Variants in UPK1B observed in about 807,000 individuals in gnomAD.
The protein encoded by UPK1B is uroplakin 1B.
A neutral mutation model predicts 34.2 loss-of-function variants in UPK1B; 28 were observed. The ratio of observed to expected loss-of-function variants is 0.82; its 90% CI spans 0.61 to 1.12. The LOEUF is 1.12. Ranked by LOEUF, UPK1B falls within the 50% of genes most tolerant of loss-of-function variation. The pLI, the probability that UPK1B is intolerant of heterozygous loss-of-function variation, is 0.00. For synonymous variants in UPK1B, 81 were observed against 110.4 expected, an observed-to-expected ratio of 0.73 and a Z score of 1.67; for missense variants, 325 against 320.9, an observed-to-expected ratio of 1.01 and a Z score of -0.10.
chr3:119,196,821 A>G (rs1420550446), intron 6 of UPK1B, among the ~76,000 whole-genome samples: 1 of 151,926 alleles, frequency 6.6e-6, no homozygotes, highest in African/African-American at 2.4e-5. Flanking sequence ...TAAAGGAGTG[A>G]GCCACCGTGC....
At chr3:119,180,018 G>A (rs934915042) in intron 1 of UPK1B, among the ~76,000 whole-genome samples, 3 of 151,334 alleles carry the variant, frequency 2.0e-5, no homozygotes, top group Non-Finnish European at 2.9e-5. Flanking sequence ...GGCTGGTCTC[G>A]AACTACCAAC....
chr3:119,175,007 A>ATTTTT (rs2077948006), intron 1 of UPK1B, among the ~76,000 whole-genome samples: 1 of 39,732 alleles, frequency 2.5e-5, no homozygotes, highest in Admixed American at 2.9e-4. Context: ...TTTTTCTTTT[A>ATTTTT]TTTTCTTTTT....
chr3:119,196,535 C>CTTTTTT (rs34406185), intron 6 of UPK1B, among the ~76,000 whole-genome samples: 153 of 107,096 alleles, frequency 1.4e-3, no homozygotes, highest in East Asian at 2.1e-3. Context: ...TTTTCTTTTT[C>CTTTTTT]TTTTTTTTTT....
chr3:119,179,082 T>C (rs2077973020), intron 1 of UPK1B, among the ~76,000 whole-genome samples: 1 of 151,846 alleles, frequency 6.6e-6, no homozygotes, highest in Non-Finnish European at 1.5e-5. Flanking sequence ...CTCACGCCTA[T>C]AATCTCCACA....
intron 7 of UPK1B, among the ~76,000 whole-genome samples, chr3:119,201,025 A>C (rs1233409707): frequency 2.0e-5 from 3 of 152,216 alleles, no homozygotes; most frequent in African/African-American, 7.2e-5. Context: ...GACAATCTCA[A>C]GTGAAACTGG....
Position 119,204,578 on chromosome 3 carries a change from C to G in UPK1B, c.*611C>G, listed in dbSNP as rs1394912555. On this transcript the variant is annotated 3_prime_UTR_variant, in exon 8 of 8. Transcript: ENST00000264234. ...TATGTGTTTAGTAGCCTCAATTCTC[C>G]ATTAATTAAAAGTGTGGGCTGGGCG... 1.3e-5 allele frequency: 2 copies of G among 152,314 alleles called. No homozygotes were observed. The highest frequency in any genetic ancestry group is 2.9e-5 in the Non-Finnish European group (2 of 68,172). 9.4% of individuals were successfully genotyped at this position (152,314 alleles called of 1,614,324 possible). A position where few individuals can be genotyped will look rare whatever the true frequency, so the allele number is the denominator to read the frequency against.
At chr3:119,186,589 C>T in intron 1 of UPK1B, 125 bp from the exon 2 acceptor site, 4 of 654,892 alleles carry the variant, frequency 6.1e-6, no homozygotes, top group Non-Finnish European at 1.1e-5. Flanking sequence ...AATCAAATGT[C>T]CTTCATCGCT....
rs71297415 is a variant in UPK1B at position 119,179,507 on chromosome 3, CTTTTTTT to C, written c.-29+5883_-29+5889del. On this transcript the variant is annotated intron_variant, in intron 1 of 7. Coordinates refer to ENST00000264234, the MANE Select transcript of UPK1B (RefSeq NM_006952.4). Reference sequence around the variant, plus strand: ...TTTGGGGAAGAGTTGATGTTGCAGTCTTTTTTTTTTTTTTTTTTTTGAGACGGAGTCT... The same window carrying C: ...TTTGGGGAAGAGTTGATGTTGCAGTCTTTTTTTTTTTTTGAGACGGAGTCT... 1.3e-4 allele frequency among the ~76,000 whole-genome samples: 7 copies of C among 52,256 alleles called. 2 individuals are homozygous for C. The highest frequency in any genetic ancestry group is 2.6e-4 in the Non-Finnish European group (7 of 26,958). The allele number at this position is 52,256 out of a possible 152,430, so 34.3% of individuals were successfully genotyped here.
At chr3:119,192,812 A>G (rs1267855110) in intron 5 of UPK1B, among the ~76,000 whole-genome samples, 1 of 152,062 alleles carries the variant, frequency 6.6e-6, no homozygotes, top group African/African-American at 2.4e-5. Flanking sequence ...CTCCCTTTCA[A>G]CAGCCTACAT....
In UPK1B at chr3:119,203,926, C is replaced by A. The variant is rs2078106932; in HGVS notation, c.742C>A (p.Leu248Ile). 1 of 1,613,988 alleles carries A rather than the reference C, an allele frequency of 6.2e-7. No individual in the cohort carries two copies. The highest frequency in any genetic ancestry group is 8.5e-7 in the Non-Finnish European group (1 of 1,179,970). ...FAILCWTFWV[L>I]LGTMFYWSRI... ...TTTTTTTCTATTCCAGTTTTGGGTT[C>A]TCCTGGGTACCATGTTCTACTGGAG... The change falls in exon 8 of 8, where the codon CTC (leucine) becomes ATC (isoleucine). Residue 248 changes from leucine to isoleucine, a missense_variant. Coordinates refer to ENST00000264234, the MANE Select transcript of UPK1B (RefSeq NM_006952.4).
intron 1 of UPK1B, among the ~76,000 whole-genome samples, chr3:119,183,247 C>G (rs2077997199): frequency 6.6e-6 from 1 of 151,596 alleles, no homozygotes; most frequent in South Asian, 2.1e-4. Flanking sequence ...GCAAATTAAT[C>G]TCTCCAAGCT....
chr3:119,187,039 T>A (rs762589388), intron 2 of UPK1B, among the ~76,000 whole-genome samples: 2 of 152,218 alleles, frequency 1.3e-5, no homozygotes, highest in Non-Finnish European at 2.9e-5. Context: ...AATATAAGTA[T>A]CTAAAAGGAG....
intron 1 of UPK1B, among the ~76,000 whole-genome samples, chr3:119,184,073 T>C (rs1394393918): frequency 1.3e-5 from 2 of 152,182 alleles, no homozygotes; most frequent in African/African-American, 4.8e-5. Context: ...TGCCTAGGTT[T>C]CTTCAATTTA....
chr3:119,200,288 A>T (rs2078085518), intron 7 of UPK1B, among the ~76,000 whole-genome samples: 1 of 152,206 alleles, frequency 6.6e-6, no homozygotes, highest in Admixed American at 6.5e-5. Flanking sequence ...CCTGGCCTCA[A>T]GCAATCCTCC....
intron 4 of UPK1B, among the ~76,000 whole-genome samples, 195 bp downstream of exon 4, chr3:119,190,514 C>T (rs937747278): frequency 1.3e-5 from 2 of 152,118 alleles, no homozygotes; most frequent in African/African-American, 2.4e-5. Flanking sequence ...AAAAATGAGA[C>T]AGAAAGGTAA....
chr3:119,177,057 G>A (rs1559899443), intron 1 of UPK1B, among the ~76,000 whole-genome samples: 1 of 152,198 alleles, frequency 6.6e-6, no homozygotes, highest in Non-Finnish European at 1.5e-5. Context: ...GATAAATGAG[G>A]CATTGACATG....
intron 5 of UPK1B, among the ~76,000 whole-genome samples, chr3:119,192,727 C>G (rs561115388): frequency 1.3e-4 from 20 of 152,270 alleles, no homozygotes; most frequent in African/African-American, 4.6e-4. Context: ...CTTTGTCCAG[C>G]TCTTTTGATT....
At chr3:119,181,572 A>G (rs2077989859) in intron 1 of UPK1B, among the ~76,000 whole-genome samples, 1 of 152,236 alleles carries the variant, frequency 6.6e-6, no homozygotes, top group Admixed American at 6.5e-5. Flanking sequence ...TGGTAGAGCT[A>G]AGATTCAAAC....
intron 1 of UPK1B, among the ~76,000 whole-genome samples, chr3:119,176,969 T>C (rs1056375474): frequency 1.3e-5 from 2 of 152,234 alleles, no homozygotes; most frequent in African/African-American, 2.4e-5. Context: ...CTTTTTAGGT[T>C]CTACCCTCTC....
Sources: allele counts gnomAD v4.1 joint callset (sites outside exome capture counted in the v4.1 genomes callset), GRCh38; gene constraint gnomAD v4.1.1; transcripts MANE v1.5; gene names NCBI Gene and HGNC (gene_info 2026-07-23, HGNC 2026-07-21).